The following ANKRD33B variants were observed in gnomAD, a reference collection of about 807,000 sequenced individuals.
ANKRD33B encodes ankyrin repeat domain 33B, also known as ankyrin repeat domain-containing protein 33B.
In ANKRD33B, 6 loss-of-function variants were observed where a neutral mutation model predicts 21.5. That is an observed-to-expected ratio of 0.28 (90% CI 0.15 to 0.55). The LOEUF (loss-of-function observed/expected upper bound fraction) is 0.55, where lower values mean the gene tolerates loss of function less well. ANKRD33B is among the 20% of genes least tolerant of loss of function. The probability of loss-of-function intolerance (pLI) is 0.94; values close to 1 mark genes in which losing one functional copy is unlikely to be tolerated. For synonymous variants in ANKRD33B, 347 were observed against 342.4 expected, an observed-to-expected ratio of 1.01 and a Z score of -0.15; for missense variants, 698 against 747.2, an observed-to-expected ratio of 0.93 and a Z score of 0.77.
chr5:10,586,212 C>A (rs1363057186), intron 1 of ANKRD33B, among the ~76,000 whole-genome samples: 1 of 151,728 alleles, frequency 6.6e-6, no homozygotes, highest in Non-Finnish European at 1.5e-5. Flanking sequence ...TGCATATACT[C>A]AAGTCCCACA....
intron 1 of ANKRD33B, among the ~76,000 whole-genome samples, chr5:10,617,180 ATACT>A (rs893928020): frequency 2.6e-4 from 40 of 152,316 alleles, no homozygotes; most frequent in Admixed American, 2.6e-3. Context: ...ACATTTGGTA[ATACT>A]TAATTAATAG....
At chr5:10,586,205 A>G (rs1297733233) in intron 1 of ANKRD33B, among the ~76,000 whole-genome samples, 1 of 151,874 alleles carries the variant, frequency 6.6e-6, no homozygotes, top group Non-Finnish European at 1.5e-5. Context: ...CCAAATCTGC[A>G]TATACTCAAG....
chr5:10,624,821 A>G (rs1188328067), intron 2 of ANKRD33B: 1 of 456,624 alleles, frequency 2.2e-6, no homozygotes, highest in Non-Finnish European at 4.4e-6. Flanking sequence ...TCATGTGAGC[A>G]TTAACACAGA....
chr5:10,605,490 A>G (rs867657097), intron 1 of ANKRD33B, among the ~76,000 whole-genome samples: 4 of 151,456 alleles, frequency 2.6e-5, no homozygotes, highest in Admixed American at 1.3e-4. Flanking sequence ...CATCCCCTGC[A>G]TGACCTCTTT....
Position 10,650,161 on chromosome 5 carries a change from C to T in ANKRD33B, c.*48C>T. On this transcript the variant is annotated 3_prime_UTR_variant, in exon 4 of 4. Coordinates refer to ENST00000296657, the MANE Select transcript of ANKRD33B (RefSeq NM_001164440.2). Reference sequence around the variant, plus strand: ...GGCCGGGGCTGGGGCCGGGGCGGGGCCGCAGGGCTGGGCGCGGAGAAGGAG... The same window carrying T: ...GGCCGGGGCTGGGGCCGGGGCGGGGTCGCAGGGCTGGGCGCGGAGAAGGAG... 7 of 1,413,060 alleles carry T rather than the reference C, an allele frequency of 5.0e-6. No individual in the cohort carries two copies. The Admixed American group carries it at 1.2e-4, about 24-fold the overall frequency. The allele number at this position is 1,413,060 out of a possible 1,614,324, so 87.5% of individuals were successfully genotyped here.
rs34515233 is a variant in ANKRD33B at position 10,634,457 on chromosome 5, A to ATTTTTTTTTTTTTTT, written c.497-3564_497-3563insTTTTTTTTTTTTTTT. 2.1e-5 allele frequency among the ~76,000 whole-genome samples: 3 copies of ATTTTTTTTTTTTTTT among 141,856 alleles called. 1 individual carries two copies. The highest frequency in any genetic ancestry group is 4.6e-5 in the Non-Finnish European group (3 of 65,532). 93.1% of individuals were successfully genotyped at this position (141,856 alleles called of 152,430 possible). ...CCAAGTTGGACTGGGCTCAAACTAG[A>ATTTTTTTTTTTTTTT]TTTTTTTCTTTTTTTTTTTTGAGAC... is the stretch of plus-strand genomic sequence containing the variant. On this transcript the variant is annotated intron_variant, in intron 2 of 3. Transcript: ENST00000296657.
chr5:10,649,045 C>T (rs113563730), intron 3 of ANKRD33B, among the ~76,000 whole-genome samples: 135 of 152,244 alleles, frequency 8.9e-4, no homozygotes, highest in African/African-American at 3.2e-3. Context: ...CCCCGGAAGT[C>T]GAGGCTACAG....
chr5:10,594,802 G>C (rs543372446), intron 1 of ANKRD33B, among the ~76,000 whole-genome samples: 1 of 152,216 alleles, frequency 6.6e-6, no homozygotes, highest in African/African-American at 2.4e-5. Flanking sequence ...GGGAAACCTT[G>C]TGTGTGGGTC....
chr5:10,594,847 G>A (rs181955420), intron 1 of ANKRD33B, among the ~76,000 whole-genome samples: 1 of 152,270 alleles, frequency 6.6e-6, no homozygotes, highest in South Asian at 2.1e-4. Context: ...GCCGTTGAGC[G>A]GGTAGGAAAG....
intron 1 of ANKRD33B, among the ~76,000 whole-genome samples, chr5:10,592,587 A>G (rs1163842814): frequency 6.6e-6 from 1 of 150,418 alleles, no homozygotes; most frequent in Non-Finnish European, 1.5e-5. Context: ...AGATTGCACC[A>G]CTGCACTCCA....
At chr5:10,640,316 G>T (rs1159813229) in intron 3 of ANKRD33B, among the ~76,000 whole-genome samples, 3 of 152,114 alleles carry the variant, frequency 2.0e-5, no homozygotes, top group Non-Finnish European at 4.4e-5. Context: ...CTTGGAGAAC[G>T]CACTTTCCTG....
In ANKRD33B at chr5:10,649,416, TGCC is replaced by T; in HGVS notation, c.795_797del (p.Pro267del). The stretch of plus-strand genomic sequence containing the variant: ...TTCTGGGAGAAGTACCGGCCCGAGC[TGCC>T]GCCGCCCCCTGAAGCGGCGCGGAAG... On this transcript the variant is annotated inframe_deletion, in exon 4 of 4. Coordinates refer to ENST00000296657, the MANE Select transcript of ANKRD33B (RefSeq NM_001164440.2). 1.3e-6 allele frequency: 2 copies of T among 1,535,320 alleles called. No individual in the cohort carries two copies. Among genetic ancestry groups the T allele is most frequent in the Non-Finnish European group, 1.7e-6 (2 of 1,146,456 alleles).
chr5:10,571,162 C>T (rs867450073), intron 1 of ANKRD33B, among the ~76,000 whole-genome samples: 4 of 151,908 alleles, frequency 2.6e-5, no homozygotes, highest in African/African-American at 9.7e-5. Flanking sequence ...GGCTCTGCTG[C>T]GTTTGGGTTT....
In ANKRD33B at chr5:10,619,288, T is replaced by C; in HGVS notation, c.496+826T>C. On this transcript the variant is annotated intron_variant, in intron 2 of 3. Coordinates refer to ENST00000296657, the MANE Select transcript of ANKRD33B (RefSeq NM_001164440.2). The surrounding 1 kb of genome is among the most constrained non-coding windows in gnomAD (Gnocchi z 4.5). ...CCAGGAAGAACAGGCGCTTGTGTGT[T>C]GAAGGAAGGAGGGGAAGCTTACACG... 1 of 985,300 alleles carries C rather than the reference T, an allele frequency of 1.0e-6. No individual in the cohort carries two copies. Among genetic ancestry groups the C allele is most frequent in the Non-Finnish European group, 1.2e-6 (1 of 829,880 alleles). The allele number at this position is 985,300 out of a possible 1,614,324, so 61.0% of individuals were successfully genotyped here. A position where few individuals can be genotyped will look rare whatever the true frequency, so the allele number is the denominator to read the frequency against.
chr5:10,570,833 A>T (rs1282452760), intron 1 of ANKRD33B, among the ~76,000 whole-genome samples: 2 of 151,404 alleles, frequency 1.3e-5, no homozygotes, highest in South Asian at 2.1e-4. Flanking sequence ...TGCTGGGATT[A>T]TAGGCATGAG....
intron 2 of ANKRD33B, among the ~76,000 whole-genome samples, chr5:10,629,819 A>G (rs1236856766): frequency 1.3e-5 from 2 of 152,150 alleles, no homozygotes; most frequent in Non-Finnish European, 2.9e-5. Context: ...ATGTCCATGG[A>G]AAGAGCGTGT....
chr5:10,655,623 A>G lies in ANKRD33B; in HGVS notation c.*5510A>G, dbSNP rs1737470380. The stretch of plus-strand genomic sequence containing the variant: ...AGCTCGCTGTTCCTGCGGTGGTCAG[A>G]GTCCCCCTGTGCTGTGTCAGCTCCT... On this transcript the variant is annotated 3_prime_UTR_variant, in exon 4 of 4. Transcript: ENST00000296657. The G allele has an allele frequency of 6.6e-6, 1 of 152,324 alleles. No individual in the cohort carries two copies. Among genetic ancestry groups the G allele is most frequent in the South Asian group, 2.1e-4 (1 of 4,828 alleles). The allele number at this position is 152,324 out of a possible 1,614,324, so 9.4% of individuals were successfully genotyped here.
intron 3 of ANKRD33B, among the ~76,000 whole-genome samples, chr5:10,640,307 T>G (rs1409668216): frequency 6.6e-6 from 1 of 152,186 alleles, no homozygotes; most frequent in Non-Finnish European, 1.5e-5. Context: ...TTGCGCCATC[T>G]TGGAGAACGC....
In ANKRD33B at chr5:10,652,965, C is replaced by A; in HGVS notation, c.*2852C>A. The A allele has an allele frequency of 5.6e-6, 1 of 179,866 alleles. No individual in the cohort carries two copies. The highest frequency in any genetic ancestry group is 7.3e-4 in the Middle Eastern group (1 of 1,374). 11.1% of individuals were successfully genotyped at this position (179,866 alleles called of 1,614,324 possible). A position where few individuals can be genotyped will look rare whatever the true frequency, so the allele number is the denominator to read the frequency against. ...CCTGGTGAGTGGAAGCTGCCATTAC[C>A]TGGCCAGTGTTTGCAACTCGAGGGA... On this transcript the variant is annotated 3_prime_UTR_variant, in exon 4 of 4. Coordinates refer to ENST00000296657, the MANE Select transcript of ANKRD33B (RefSeq NM_001164440.2). The surrounding 1 kb of genome is among the most constrained non-coding windows in gnomAD (Gnocchi z 4.1).
Sources: allele counts gnomAD v4.1 joint callset (sites outside exome capture counted in the v4.1 genomes callset), GRCh38; gene constraint gnomAD v4.1.1; non-coding constraint Gnocchi (gnomAD v3.1); transcripts MANE v1.5; gene names NCBI Gene and HGNC (gene_info 2026-07-23, HGNC 2026-07-21).